Variants in TRIQK observed in about 807,000 individuals in gnomAD.
TRIQK encodes triple QxxK/R motif containing.
In TRIQK, 10 loss-of-function variants were observed where a neutral mutation model predicts 10.8. That is an observed-to-expected ratio of 0.92 (90% confidence interval 0.57 to 1.57). TRIQK has a LOEUF of 1.57. Ranked by LOEUF, TRIQK falls within the 40% of genes most tolerant of loss-of-function variation. The pLI is 0.00. For synonymous variants in TRIQK, 33 were observed against 33.7 expected (o/e 0.98, Z 0.07); for missense variants, 107 against 97.7 (o/e 1.09, Z -0.40).
At chr8:92,997,942 A>G (rs1445515067) in intron 1 of TRIQK, among the ~76,000 whole-genome samples, 2 of 152,062 alleles carry the variant, frequency 1.3e-5, no homozygotes, top group African/African-American at 2.4e-5. Flanking sequence ...AAAATCAAAC[A>G]AAGTGAAATT....
intron 1 of TRIQK, among the ~76,000 whole-genome samples, chr8:93,007,955 C>T (rs557945507): frequency 3.9e-4 from 59 of 152,220 alleles, no homozygotes; most frequent in African/African-American, 1.1e-3. Context: ...GAATACCATA[C>T]GGCCATAAAA....
intron 3 of TRIQK, among the ~76,000 whole-genome samples, chr8:92,897,192 C>T (rs578098687): frequency 2.0e-5 from 3 of 152,152 alleles, no homozygotes; most frequent in East Asian, 1.9e-4. Context: ...TGCCTCGAGA[C>T]GAATGATGCC....
intron 1 of TRIQK, among the ~76,000 whole-genome samples, chr8:92,962,415 A>G (rs1038544233): frequency 1.3e-5 from 2 of 152,206 alleles, no homozygotes; most frequent in Admixed American, 6.5e-5. Flanking sequence ...GGGACTCTCA[A>G]AAGATGCTTT....
chr8:92,906,051 T>C (rs1206223204), intron 3 of TRIQK, among the ~76,000 whole-genome samples: 7 of 152,158 alleles, frequency 4.6e-5, no homozygotes, highest in Non-Finnish European at 8.8e-5. Context: ...CAGCTAGAAA[T>C]AGACTGCTAT....
At chr8:92,906,309 T>C (rs1337103290) in intron 3 of TRIQK, among the ~76,000 whole-genome samples, 3 of 152,160 alleles carry the variant, frequency 2.0e-5, no homozygotes, top group African/African-American at 7.2e-5. Flanking sequence ...TAATTTATGC[T>C]GGTTATCAAG....
At chr8:92,893,261 A>G (rs1816850802) in intron 3 of TRIQK, among the ~76,000 whole-genome samples, 1 of 152,046 alleles carries the variant, frequency 6.6e-6, no homozygotes, top group African/African-American at 2.4e-5. Context: ...AGAGTTTTAG[A>G]ACTAGAAATG....
chr8:92,983,429 C>G (rs1210600730), intron 1 of TRIQK, among the ~76,000 whole-genome samples: 1 of 152,036 alleles, frequency 6.6e-6, no homozygotes, highest in Non-Finnish European at 1.5e-5. Context: ...GGCAGTGAAG[C>G]CTCTGTGCCA....
At chr8:92,930,327 T>C (rs1488525117) in intron 2 of TRIQK, among the ~76,000 whole-genome samples, 9 of 132,988 alleles carry the variant, frequency 6.8e-5, no homozygotes, top group Non-Finnish European at 1.4e-4. Flanking sequence ...GAGGTGGAGG[T>C]TGCAGTGAGC....
intron 2 of TRIQK, among the ~76,000 whole-genome samples, chr8:92,929,106 T>C (rs1810583909): frequency 6.6e-6 from 1 of 152,186 alleles, no homozygotes; most frequent in South Asian, 2.1e-4. Context: ...GATAGTTAGC[T>C]AAAATACAAA....
intron 1 of TRIQK, among the ~76,000 whole-genome samples, chr8:92,984,070 A>G (rs1361398342): frequency 1.3e-5 from 2 of 152,092 alleles, no homozygotes; most frequent in Non-Finnish European, 2.9e-5. Context: ...ATAATACATG[A>G]AAATGTATTT....
At chr8:92,948,346 C>T (rs1214334830) in intron 2 of TRIQK, among the ~76,000 whole-genome samples, 1 of 152,078 alleles carries the variant, frequency 6.6e-6, no homozygotes, top group Non-Finnish European at 1.5e-5. Flanking sequence ...AGAGAAATTT[C>T]GCCACAGTAA....
At chr8:92,979,297 T>C (rs1366815958) in intron 1 of TRIQK, among the ~76,000 whole-genome samples, 5 of 152,114 alleles carry the variant, frequency 3.3e-5, no homozygotes, top group Non-Finnish European at 7.4e-5. Flanking sequence ...ATAGAAGATC[T>C]GTAGGATGAA....
At chr8:92,967,431 C>A (rs1221961974), upstream of TRIQK, among the ~76,000 whole-genome samples, 1 of 152,138 alleles carries the variant, frequency 6.6e-6, no homozygotes, top group Non-Finnish European at 1.5e-5. Flanking sequence ...TGCTGAATAT[C>A]CAAATTCTTC....
chr8:92,949,754 G>A (rs1449584350), intron 2 of TRIQK, among the ~76,000 whole-genome samples: 2 of 91,894 alleles, frequency 2.2e-5, no homozygotes, highest in Non-Finnish European at 2.0e-5. Flanking sequence ...GAAGGAAAGG[G>A]AAGGAAAGAA....
In TRIQK at chr8:92,966,118, A is replaced by G. The variant is rs1049145488; in HGVS notation, c.-292T>C. The G allele has an allele frequency of 6.6e-6, 1 of 151,976 alleles. No homozygotes were observed. Among genetic ancestry groups the G allele is most frequent in the African/African-American group, 2.4e-5 (1 of 41,266 alleles). The allele number at this position is 151,976 out of a possible 1,614,324, so 9.4% of individuals were successfully genotyped here. On this transcript the variant is annotated 5_prime_UTR_variant, in exon 1 of 5. Coordinates refer to ENST00000521988, the MANE Select transcript of TRIQK (RefSeq NM_001171797.2). ...CGGGACAAGCCAGCCGCACACCCCTACTCCCAAAGGGTGAGGCGGAAAAGA... is the reference window on the plus strand; with the variant it reads ...CGGGACAAGCCAGCCGCACACCCCTGCTCCCAAAGGGTGAGGCGGAAAAGA...
At chr8:92,984,677 T>C (rs1469857327) in intron 1 of TRIQK, among the ~76,000 whole-genome samples, 1 of 152,124 alleles carries the variant, frequency 6.6e-6, no homozygotes, top group African/African-American at 2.4e-5. Context: ...TTTAATCAAC[T>C]AAATGGAAAC....
chr8:92,937,610 GATTA>G (rs1464307282), intron 2 of TRIQK, among the ~76,000 whole-genome samples: 2 of 149,488 alleles, frequency 1.3e-5, no homozygotes, highest in Non-Finnish European at 3.0e-5. Context: ...GCTTCTTTGG[GATTA>G]ATTGAGCATT....
At position 92,982,201 on chromosome 8, in the gene TRIQK, T is replaced by A. The variant is rs1480873550; in HGVS notation, c.-180-27637A>T. Among the ~76,000 whole-genome samples the A allele has an allele frequency of 2.0e-5, 3 of 151,904 alleles. No individual in the cohort carries two copies. The East Asian group carries it at 5.8e-4, about 29-fold the overall frequency. Reference sequence around the variant, plus strand: ...CTTTTTGACAGTTTTTTATTTGAAATCTGGTAAATTAGCAGTTGCATAATT... The same window carrying A: ...CTTTTTGACAGTTTTTTATTTGAAAACTGGTAAATTAGCAGTTGCATAATT... On this transcript the variant is annotated intron_variant, in intron 1 of 4. Transcript: ENST00000520686.
chr8:92,996,226 A>G (rs1813152676), intron 1 of TRIQK, among the ~76,000 whole-genome samples: 1 of 152,094 alleles, frequency 6.6e-6, no homozygotes, highest in Non-Finnish European at 1.5e-5. Flanking sequence ...CATCTCCAGC[A>G]CTACACTTGG....
Sources: gnomAD v4.1 joint callset for allele counts (sites outside exome capture counted in the v4.1 genomes callset) on GRCh38, gnomAD v4.1.1 for gene constraint, MANE v1.5 for transcripts, NCBI Gene and HGNC (gene_info 2026-07-23, HGNC 2026-07-21) for gene names.